The following TGM2 variants were observed in gnomAD, a reference collection of about 807,000 sequenced individuals.
TGM2 encodes protein-glutamine gamma-glutamyltransferase 2.
In TGM2, 53 loss-of-function variants were observed where a neutral mutation model predicts 75.6. The ratio of observed to expected loss-of-function variants is 0.70; its 90% CI spans 0.56 to 0.88. The LOEUF (loss-of-function observed/expected upper bound fraction) is 0.88. TGM2 is among the 40% of genes least tolerant of loss of function. TGM2 has a pLI of 0.00. For missense variants in TGM2, 842 were observed against 928.5 expected, an observed-to-expected ratio of 0.91 and a Z score of 1.21; for synonymous variants, 374 against 381.1, an observed-to-expected ratio of 0.98 and a Z score of 0.22.
At chr20:38,141,540 A>AC (rs1214589016) in intron 7 of TGM2, among the ~76,000 whole-genome samples, 155 bp from the exon 8 acceptor site, 1 of 151,694 alleles carries the variant, frequency 6.6e-6, no homozygotes, top group Non-Finnish European at 1.5e-5. Context: ...TCTTCCCCCC[A>AC]CGGGGGCCCA....
rs546285805 is a variant in TGM2, at chr20:38,143,874, G to A, written c.860-1675C>T. ...CTGGGGCCACCATCGATAGGCCAGG[G>A]TAAGAGCTTACTGGTTGGCCCTGGA... On this transcript the variant is annotated intron_variant, in intron 6 of 12. Coordinates refer to ENST00000361475, the MANE Select transcript of TGM2 (RefSeq NM_004613.4). 3.3e-5 allele frequency among the ~76,000 whole-genome samples: 5 copies of A among 152,340 alleles called. No individual in the cohort carries two copies. In the South Asian group the frequency reaches 1.0e-3, roughly 32 times the overall value.
In TGM2 at chr20:38,142,145, T is replaced by C; in HGVS notation, c.914A>G (p.His305Arg). The change falls in exon 7 of 13, where the codon CAT becomes CGT. Residue 305 changes from histidine to arginine, a missense_variant. His to Arg is a conservative substitution (Grantham distance 29, BLOSUM62 0). Coordinates refer to ENST00000361475, the MANE Select transcript of TGM2 (RefSeq NM_004613.4). ...GATGAGAAGGTTGCTGTTCTGGTCATGGGCCGAGTTGTAGTTGGTCACGAC... is the reference window on the plus strand; with the variant it reads ...GATGAGAAGGTTGCTGTTCTGGTCACGGGCCGAGTTGTAGTTGGTCACGAC... Reference protein sequence around the residue: ...TRVVTNYNSAHDQNSNLLIEY... With the variant: ...TRVVTNYNSARDQNSNLLIEY... 1 of 1,614,184 alleles carries C rather than the reference T, an allele frequency of 6.2e-7. No homozygotes were observed. Among genetic ancestry groups the C allele is most frequent in the South Asian group, 1.1e-5 (1 of 91,086 alleles).
In TGM2 at chr20:38,138,196, G is replaced by A. The variant is rs759809652; in HGVS notation, c.1532C>T (p.Ala511Val). 8.7e-6 allele frequency: 14 copies of A among 1,608,814 alleles called. No individual in the cohort carries two copies. The highest frequency in any genetic ancestry group is 2.7e-5 in the African/African-American group (2 of 74,854). Reference protein sequence around the residue: ...EEYVCRLLLCARTVSYNGILG... With the variant: ...EEYVCRLLLCVRTVSYNGILG... Reference sequence around the variant, plus strand: ...GATCCCATTGTAGCTGACGGTGCGGGCACAGAGCAGGAGGCGGCAGACGTA... The same window carrying A: ...GATCCCATTGTAGCTGACGGTGCGGACACAGAGCAGGAGGCGGCAGACGTA... Residue 511 changes from alanine (A) to valine (V), a missense_variant, in exon 10 of 13, where the codon GCC becomes GTC. Transcript: ENST00000361475.
At chr20:38,156,873 G>A (rs2075194522) in intron 2 of TGM2, among the ~76,000 whole-genome samples, 1 of 152,158 alleles carries the variant, frequency 6.6e-6, no homozygotes, top group Non-Finnish European at 1.5e-5. Context: ...ATCTGAAGTG[G>A]GTCTTTAGCT....
At chr20:38,131,345 G>A (rs1362017764) in intron 11 of TGM2, 116 bp from the exon 12 acceptor site, 15 of 1,418,378 alleles carry the variant, frequency 1.1e-5, no homozygotes, top group South Asian at 6.0e-5. Context: ...GGTCTGCCAC[G>A]ATCACCCCCC....
chr20:38,134,011 T>C (rs1386117387), intron 10 of TGM2, among the ~76,000 whole-genome samples: 1 of 152,184 alleles, frequency 6.6e-6, no homozygotes, highest in Admixed American at 6.5e-5. Flanking sequence ...GACTCTGAGT[T>C]TCAGACCTGA....
upstream of TGM2, among the ~76,000 whole-genome samples, chr20:38,166,909 C>T (rs540930092): frequency 3.9e-5 from 6 of 152,264 alleles, no homozygotes; most frequent in East Asian, 3.9e-4. Flanking sequence ...GAGAATCACC[C>T]GACCGAGAGG....
At chr20:38,134,208 G>C (rs1335918207) in intron 10 of TGM2, among the ~76,000 whole-genome samples, 1 of 152,184 alleles carries the variant, frequency 6.6e-6, no homozygotes, top group Non-Finnish European at 1.5e-5. Flanking sequence ...CTGGTGGTCT[G>C]CGTCCTCCTC....
intron 10 of TGM2, chr20:38,132,965 C>T (rs1311033173): frequency 1.2e-5 from 5 of 419,966 alleles, no homozygotes; most frequent in Admixed American, 2.5e-5. Context: ...CCAGGCACTG[C>T]ACTTCCCACG....
rs1217697146 is a variant in TGM2 at position 38,142,205 on chromosome 20, G to A, written c.860-6C>T. On this transcript the variant is annotated splice_region_variant and splice_polypyrimidine_tract_variant and intron_variant, in intron 6 of 12. Transcript: ENST00000361475. ...GATGCCCAGGCACCTCAGCACTGTT[G>A]GAGAGGAGTGGAAAGCGGGGTGAGG... 7 of 1,613,998 alleles carry A rather than the reference G, an allele frequency of 4.3e-6. No individual in the cohort carries two copies. Among genetic ancestry groups the A allele is most frequent in the Admixed American group, 1.7e-5 (1 of 60,004 alleles).
intron 3 of TGM2, among the ~76,000 whole-genome samples, chr20:38,154,918 CA>C (rs2075163779): frequency 6.6e-6 from 1 of 152,318 alleles, no homozygotes; most frequent in South Asian, 2.1e-4. Context: ...CCAGCCTGGC[CA>C]ATGTGGTGAA....
chr20:38,166,911 AC>A (rs1408278634), upstream of TGM2, among the ~76,000 whole-genome samples: 2 of 152,060 alleles, frequency 1.3e-5, no homozygotes, highest in African/African-American at 2.4e-5. Flanking sequence ...GAATCACCCG[AC>A]CGAGAGGGAA....
intron 9 of TGM2, 118 bp downstream of exon 9, chr20:38,139,294 C>A (rs1482962295): frequency 1.4e-6 from 2 of 1,429,882 alleles, no homozygotes; most frequent in African/African-American, 1.4e-5. Context: ...GCCTACGGGG[C>A]CATTGCTGTA....
chr20:38,154,699 GA>G (rs1156641582), intron 3 of TGM2, among the ~76,000 whole-genome samples: 1 of 152,162 alleles, frequency 6.6e-6, no homozygotes, highest in East Asian at 1.9e-4. Flanking sequence ...AGTGTATAAG[GA>G]GGCAGCTGGA....
intron 5 of TGM2, 56 bp from the exon 6 acceptor site, chr20:38,146,950 C>T (rs572160450): frequency 1.4e-4 from 215 of 1,572,400 alleles, no homozygotes; most frequent in African/African-American, 2.3e-4. Context: ...TCGGCTGTGC[C>T]GCCTGGGTGA....
chr20:38,132,274 G>A (rs6068885), intron 11 of TGM2, 66 bp downstream of exon 11: 2 of 1,586,832 alleles, frequency 1.3e-6, no homozygotes, highest in Non-Finnish European at 1.7e-6. Flanking sequence ...GGTGGGGGTA[G>A]GGATCTGCCC....
intron 3 of TGM2, 112 bp downstream of exon 3, chr20:38,155,735 C>T (rs147154031): frequency 2.5e-5 from 36 of 1,454,644 alleles, no homozygotes; most frequent in Non-Finnish European, 3.2e-5. Context: ...TCACTCAGTC[C>T]ACTTTGATGT....
upstream of TGM2, among the ~76,000 whole-genome samples, chr20:38,167,339 C>T (rs548649690): frequency 2.0e-5 from 3 of 152,184 alleles, no homozygotes; most frequent in East Asian, 5.8e-4. Context: ...AGGGAGCCAC[C>T]TAAGTATTTT....
chr20:38,137,881 T>G, intron 10 of TGM2: 1 of 926,354 alleles, frequency 1.1e-6, no homozygotes, highest in Non-Finnish European at 1.6e-6. Flanking sequence ...AACCTCTCTG[T>G]GCCTCAGTCT....
Sources: gnomAD v4.1 joint callset for allele counts (sites outside exome capture counted in the v4.1 genomes callset) on GRCh38, gnomAD v4.1.1 for gene constraint, MANE v1.5 for transcripts, NCBI Gene and HGNC (gene_info 2026-07-23, HGNC 2026-07-21) for gene names.